NBAS: variants seen among roughly 807,000 people sequenced by gnomAD.
The protein encoded by NBAS is NBAS subunit of NRZ tethering complex, also known as NAG/BC035112 fusion.
In NBAS, 219 loss-of-function variants were observed where a neutral mutation model predicts 302.5. The observed-to-expected ratio is 0.72, with a 90% confidence interval of 0.65 to 0.81. NBAS has a LOEUF of 0.81. NBAS is among the 30% of genes least tolerant of loss of function. The pLI, the probability that NBAS is intolerant of heterozygous loss-of-function variation, is 0.00. For synonymous variants in NBAS, 1,118 were observed against 1,021.6 expected (o/e 1.09, Z -1.80); for missense variants, 2,932 against 2,841.6 (o/e 1.03, Z -0.72).
At chr2:15,392,361 T>C (rs1048238536) in intron 28 of NBAS, among the ~76,000 whole-genome samples, 1 of 151,796 alleles carries the variant, frequency 6.6e-6, no homozygotes, top group Admixed American at 6.6e-5. Flanking sequence ...TAATCTTTTA[T>C]ATAGGAAATC....
chr2:15,042,106 G>C, the NBAS span, among the ~76,000 whole-genome samples: 1 of 152,218 alleles, frequency 6.6e-6, no homozygotes, highest in Non-Finnish European at 1.5e-5. Flanking sequence ...ATTGCTGGAG[G>C]CCTCATGTAA....
chr2:15,384,584 C>A (rs533383297), intron 28 of NBAS, among the ~76,000 whole-genome samples: 1 of 149,258 alleles, frequency 6.7e-6, no homozygotes, highest in Non-Finnish European at 1.5e-5. Context: ...TCTGAAATTA[C>A]AAATACATCT....
the NBAS span, among the ~76,000 whole-genome samples, chr2:15,042,036 T>C: frequency 2.6e-5 from 4 of 152,334 alleles, no homozygotes; most frequent in East Asian, 1.9e-4. Context: ...GCTTTCAACA[T>C]GGACAATATT....
At chr2:15,254,967 G>A (rs1668525719) in intron 44 of NBAS, among the ~76,000 whole-genome samples, 2 of 152,144 alleles carry the variant, frequency 1.3e-5, no homozygotes, top group Non-Finnish European at 2.9e-5. Flanking sequence ...CTTGTTGGCT[G>A]ATGGGCATTT....
chr2:14,934,988 A>G, the NBAS span, among the ~76,000 whole-genome samples: 1 of 152,162 alleles, frequency 6.6e-6, no homozygotes, highest in African/African-American at 2.4e-5. Context: ...GATTTCTGAA[A>G]TATATATTTT....
At chr2:15,551,897 A>G (rs914708994) in intron 5 of NBAS, among the ~76,000 whole-genome samples, 1 of 152,222 alleles carries the variant, frequency 6.6e-6, no homozygotes, top group East Asian at 1.9e-4. Flanking sequence ...TGCTGGATAC[A>G]TCATTCCTAA....
the NBAS span, among the ~76,000 whole-genome samples, chr2:14,849,390 A>G: frequency 1.3e-5 from 2 of 150,772 alleles, no homozygotes; most frequent in Non-Finnish European, 3.0e-5. Flanking sequence ...AAAAAGAATA[A>G]AAAGAAATGA....
chr2:14,780,214 C>T, the NBAS span, among the ~76,000 whole-genome samples: 1 of 152,188 alleles, frequency 6.6e-6, no homozygotes, highest in African/African-American at 2.4e-5. Context: ...GATTAGAGTT[C>T]ATGGTTAGAT....
intron 48 of NBAS, among the ~76,000 whole-genome samples, chr2:15,204,025 G>T (rs1005284384): frequency 6.6e-5 from 10 of 152,004 alleles, no homozygotes; most frequent in African/African-American, 2.4e-4. Context: ...ACTTTGGGAG[G>T]TTGGGGCAGC....
At chr2:15,351,605 G>A (rs1255430320) in intron 35 of NBAS, among the ~76,000 whole-genome samples, 1 of 151,954 alleles carries the variant, frequency 6.6e-6, no homozygotes, top group Admixed American at 6.6e-5. Flanking sequence ...TTGAACCTGG[G>A]AGGTGGAGGT....
At chr2:15,453,383 A>T (rs1344182176) in intron 21 of NBAS, among the ~76,000 whole-genome samples, 2 of 152,220 alleles carry the variant, frequency 1.3e-5, no homozygotes, top group East Asian at 3.8e-4. Context: ...AAGGCAGGTG[A>T]CTGTGCTTTC....
chr2:15,394,959 T>C (rs57383109), intron 27 of NBAS, among the ~76,000 whole-genome samples: 2,058 of 152,234 alleles, frequency 0.014, 33 homozygotes, highest in East Asian at 0.059. Flanking sequence ...CAGGACTGAA[T>C]AGAGTTACTG....
chr2:15,354,924 C>A (rs1017352461), intron 33 of NBAS, among the ~76,000 whole-genome samples: 2 of 152,162 alleles, frequency 1.3e-5, no homozygotes, highest in Non-Finnish European at 2.9e-5. Flanking sequence ...ATCATTTTAG[C>A]AAGGATCCCC....
At chr2:14,861,140 G>C in the NBAS span, among the ~76,000 whole-genome samples, 2 of 152,102 alleles carry the variant, frequency 1.3e-5, no homozygotes, top group Admixed American at 1.3e-4. Flanking sequence ...TAATCTTCTT[G>C]AAGTCCCATA....
rs1167821309 is a variant in NBAS at position 15,287,148 on chromosome 2, G to A, written c.5063C>T (p.Ser1688Phe). ...GGAGACACTGTAACGTTGTGCCAGA[G>A]AAATAGCAATGCTGTAGACGCTTTC... ...LEESVYSIAI[S>F]LAQRYSVSRW... The change falls in exon 42 of 52, where the codon TCT becomes TTT. Residue 1688 changes from serine to phenylalanine, a missense_variant. By Grantham distance (155) the Ser-to-Phe change is radical (BLOSUM62 -2). Transcript: ENST00000281513. The A allele has an allele frequency of 6.2e-7, 1 of 1,614,064 alleles. No homozygotes were observed. Among genetic ancestry groups the A allele is most frequent in the Non-Finnish European group, 8.5e-7 (1 of 1,179,956 alleles).
chr2:14,800,180 C>T, the NBAS span, among the ~76,000 whole-genome samples: 2 of 152,012 alleles, frequency 1.3e-5, no homozygotes, highest in Admixed American at 6.5e-5. Context: ...GATTCCATGC[C>T]GATAAGGTTT....
chr2:15,311,627 T>C (rs995041330), intron 38 of NBAS, among the ~76,000 whole-genome samples: 4 of 152,220 alleles, frequency 2.6e-5, no homozygotes, highest in East Asian at 3.8e-4. Context: ...CAGACTTAAA[T>C]AGTCACACTT....
At chr2:15,316,224 G>C (rs1671501959) in intron 38 of NBAS, among the ~76,000 whole-genome samples, 1 of 152,190 alleles carries the variant, frequency 6.6e-6, no homozygotes, top group African/African-American at 2.4e-5. Flanking sequence ...GCCAAAATCA[G>C]AGGAAATCTA....
At chr2:14,997,772 TC>T in the NBAS span, among the ~76,000 whole-genome samples, 1 of 152,130 alleles carries the variant, frequency 6.6e-6, no homozygotes, top group East Asian at 1.9e-4. Context: ...TCTCCTCATT[TC>T]CCCCAATCCC....
Sources: gnomAD v4.1 joint callset for allele counts (sites outside exome capture counted in the v4.1 genomes callset) on GRCh38, gnomAD v4.1.1 for gene constraint, MANE v1.5 for transcripts, NCBI Gene and HGNC (gene_info 2026-07-23, HGNC 2026-07-21) for gene names.